Variants in ABRAXAS1 observed in about 807,000 individuals in gnomAD.
The protein encoded by ABRAXAS1 is BRCA1-A complex subunit Abraxas 1.
ABRAXAS1 carries 26 observed loss-of-function variants against 38.4 expected under a neutral mutation model. That is an observed-to-expected ratio of 0.68 (90% confidence interval 0.50 to 0.94). The LOEUF is 0.94. Among genes scored for constraint, ABRAXAS1 ranks in the 40% least tolerant of loss-of-function variants. ABRAXAS1 has a pLI of 0.00. For missense variants in ABRAXAS1, 438 were observed against 481.9 expected, an observed-to-expected ratio of 0.91 and a Z score of 0.85; for synonymous variants, 144 against 165.5, an observed-to-expected ratio of 0.87 and a Z score of 1.00.
chr4:83,469,346 C>G, intron 5 of ABRAXAS1, 195 bp from the exon 6 acceptor site: 1 of 543,260 alleles, frequency 1.8e-6, no homozygotes, highest in Non-Finnish European at 3.3e-6. Flanking sequence ...CAGGGTCTCA[C>G]TCAGTCTCCC....
At chr4:83,481,926 T>A (rs984276163) in intron 2 of ABRAXAS1, among the ~76,000 whole-genome samples, 5 of 152,026 alleles carry the variant, frequency 3.3e-5, no homozygotes, top group Non-Finnish European at 7.4e-5. Flanking sequence ...ATTTTTGTAT[T>A]TTTAGTAGAG....
chr4:83,464,977 C>T (rs934488386), intron 7 of ABRAXAS1, among the ~76,000 whole-genome samples: 3 of 152,244 alleles, frequency 2.0e-5, no homozygotes, highest in Admixed American at 6.5e-5. Context: ...TTTTCCATAA[C>T]ATTCTCTATG....
chr4:83,475,953 G>A (rs1441026091), intron 3 of ABRAXAS1, among the ~76,000 whole-genome samples: 12 of 152,198 alleles, frequency 7.9e-5, no homozygotes, highest in Admixed American at 7.2e-4. Context: ...TGTAATCCCA[G>A]TACTTTGGGA....
chr4:83,481,105 CTGGGCAACAG>C (rs368173910), intron 2 of ABRAXAS1, among the ~76,000 whole-genome samples: 30 of 151,418 alleles, frequency 2.0e-4, no homozygotes, highest in African/African-American at 7.3e-4. Flanking sequence ...GCACTCCAGC[CTGGGCAACAG>C]AGTGAGACTC....
chr4:83,468,957 T>C, intron 6 of ABRAXAS1, 75 bp downstream of exon 6: 1 of 1,530,812 alleles, frequency 6.5e-7, no homozygotes, highest in Middle Eastern at 2.4e-4. Flanking sequence ...ATTTTTATTC[T>C]GCTGTTGTTT....
intron 2 of ABRAXAS1, among the ~76,000 whole-genome samples, chr4:83,481,138 A>G (rs1182089524): frequency 6.6e-6 from 1 of 152,314 alleles, no homozygotes; most frequent in Non-Finnish European, 1.5e-5. Flanking sequence ...CCTCAAAAAA[A>G]AAAAGAAAAG....
intron 3 of ABRAXAS1, among the ~76,000 whole-genome samples, chr4:83,473,816 G>A (rs1275614430): frequency 6.6e-6 from 1 of 151,120 alleles, no homozygotes; most frequent in Non-Finnish European, 1.5e-5. Context: ...TGACCCACCT[G>A]CATAATTTTT....
At chr4:83,480,935 A>G (rs1722981152) in intron 2 of ABRAXAS1, among the ~76,000 whole-genome samples, 1 of 152,156 alleles carries the variant, frequency 6.6e-6, no homozygotes, top group Admixed American at 6.5e-5. Flanking sequence ...GTTCAAGGCA[A>G]GCCTCGCCAA....
chr4:83,485,097 A>G lies in ABRAXAS1; in HGVS notation c.-25T>C. On this transcript the variant is annotated 5_prime_UTR_variant, in exon 1 of 9. Transcript: ENST00000321945. The stretch of plus-strand genomic sequence containing the variant: ...TGCTACCGCCGCCTCAGGCTACACA[A>G]GAGGACGAGGGCGGGGCGCGCGGAG... 1 of 1,555,198 alleles carries G rather than the reference A, an allele frequency of 6.4e-7. No homozygotes were observed. The highest frequency in any genetic ancestry group is 1.4e-5 in the African/African-American group (1 of 70,924).
Position 83,460,276 on chromosome 4 carries a change from G to T in ABRAXAS1, c.*2193C>A. On this transcript the variant is annotated 3_prime_UTR_variant, in exon 9 of 9. Coordinates refer to ENST00000321945, the MANE Select transcript of ABRAXAS1 (RefSeq NM_139076.3). ...GGGTTCAAGTGATTCTCATGCTTCA[G>T]CCTCCCGAATAGCTGGGATTACAGG... 6.6e-6 allele frequency: 1 copy of T among 152,236 alleles called. No individual in the cohort carries two copies. The highest frequency in any genetic ancestry group is 1.5e-5 in the Non-Finnish European group (1 of 68,290). The allele number at this position is 152,236 out of a possible 1,614,324, so 9.4% of individuals were successfully genotyped here.
At chr4:83,482,972 C>T (rs72652795) in intron 1 of ABRAXAS1, among the ~76,000 whole-genome samples, 3,693 of 152,272 alleles carry the variant, frequency 0.024, 75 homozygotes, top group Admixed American at 0.066. Flanking sequence ...TAAATAAGAA[C>T]GAGCCAATAA....
At chr4:83,482,678 A>T (rs1250477487) in intron 1 of ABRAXAS1, among the ~76,000 whole-genome samples, 2 of 152,232 alleles carry the variant, frequency 1.3e-5, no homozygotes, top group African/African-American at 4.8e-5. Flanking sequence ...CCCAGGCGAT[A>T]GAGTGAGACT....
At chr4:83,470,877 C>T (rs1362934755) in intron 4 of ABRAXAS1, among the ~76,000 whole-genome samples, 1 of 152,148 alleles carries the variant, frequency 6.6e-6, no homozygotes, top group Admixed American at 6.6e-5. Context: ...ACAAACTTGG[C>T]TTCAAGATTA....
chr4:83,484,249 G>T (rs1553938222), intron 1 of ABRAXAS1: 4 of 975,192 alleles, frequency 4.1e-6, no homozygotes, highest in African/African-American at 1.8e-5. Flanking sequence ...GTTCAGCAGG[G>T]TATTCTCCGA....
chr4:83,484,282 T>C (rs886691574), intron 1 of ABRAXAS1: 5 of 856,118 alleles, frequency 5.8e-6, no homozygotes, highest in Non-Finnish European at 7.0e-6. Flanking sequence ...AGCAGGGAAG[T>C]GTATTTCAGA....
At chr4:83,465,837 C>T (rs553248265) in intron 7 of ABRAXAS1, among the ~76,000 whole-genome samples, 5 of 152,172 alleles carry the variant, frequency 3.3e-5, no homozygotes, top group Admixed American at 6.5e-5. Context: ...CTAAAATTCC[C>T]GTTTCATATG....
At chr4:83,474,222 C>T (rs1722684529) in intron 3 of ABRAXAS1, among the ~76,000 whole-genome samples, 1 of 151,962 alleles carries the variant, frequency 6.6e-6, no homozygotes, top group Non-Finnish European at 1.5e-5. Context: ...TTTCAGTAGG[C>T]TATTTCCCAG....
At chr4:83,467,350 G>A (rs888980710) in intron 7 of ABRAXAS1, 104 bp downstream of exon 7, 92 of 726,226 alleles carry the variant, frequency 1.3e-4, no homozygotes, top group Non-Finnish European at 2.0e-4. Context: ...ACTCATAACT[G>A]TATAAATCTA....
chr4:83,463,118 T>C (rs572867721), intron 8 of ABRAXAS1, among the ~76,000 whole-genome samples: 108 of 152,278 alleles, frequency 7.1e-4, no homozygotes, highest in African/African-American at 2.5e-3. Context: ...ATAGCTACCA[T>C]AGTATTATGT....
Sources: allele counts gnomAD v4.1 joint callset (sites outside exome capture counted in the v4.1 genomes callset), GRCh38; gene constraint gnomAD v4.1.1; transcripts MANE v1.5; gene names NCBI Gene and HGNC (gene_info 2026-07-23, HGNC 2026-07-21).